The following OPA1 variants were observed in gnomAD, a reference collection of about 807,000 sequenced individuals.
The protein encoded by OPA1 is OPA1 mitochondrial dynamin like GTPase.
OPA1 carries 59 observed loss-of-function variants against 152.9 expected under a neutral mutation model. That is an observed-to-expected ratio of 0.39 (90% CI 0.31 to 0.48). OPA1 has a LOEUF of 0.48. Among genes scored for constraint, OPA1 ranks in the 20% least tolerant of loss-of-function variants. OPA1 has a pLI of 0.96. For missense variants in OPA1, 1,008 were observed against 1,216.8 expected (o/e 0.83, Z 2.55); for synonymous variants, 400 against 389.9 (o/e 1.03, Z -0.31).
At chr3:193,613,869 C>T (rs1239979549) in intron 1 of OPA1, 2 of 514,104 alleles carry the variant, frequency 3.9e-6, no homozygotes, top group Non-Finnish European at 7.8e-6. Flanking sequence ...TGAGCCACCA[C>T]ACCCTGCCTC....
At chr3:193,623,420 T>C (rs1277917993) in intron 6 of OPA1, among the ~76,000 whole-genome samples, 3 of 152,132 alleles carry the variant, frequency 2.0e-5, no homozygotes, top group African/African-American at 7.2e-5. Context: ...TCTGGAGTTA[T>C]TACTAATTTT....
At chr3:193,666,423 C>A in intron 28 of OPA1, 34 bp downstream of exon 28, 1 of 1,465,420 alleles carries the variant, frequency 6.8e-7, no homozygotes, top group Non-Finnish European at 9.6e-7. Context: ...CTTATTTTGA[C>A]ATTAAAAAAT....
At position 193,657,068 on chromosome 3, in the gene OPA1, A is replaced by T; in HGVS notation, c.2179-12A>T. ...GTAATAATATGGCTTTTTTTCTTTC[A>T]AATAATTATAGGTTGCTTGGGAGAC... On this transcript the variant is annotated splice_polypyrimidine_tract_variant and intron_variant, in intron 22 of 30. Transcript: ENST00000361510. The T allele has an allele frequency of 1.3e-6, 2 of 1,594,278 alleles. No individual in the cohort carries two copies. The highest frequency in any genetic ancestry group is 1.7e-6 in the Non-Finnish European group (2 of 1,173,714).
At chr3:193,616,634 A>C (rs866453088) in intron 3 of OPA1, among the ~76,000 whole-genome samples, 2 of 152,136 alleles carry the variant, frequency 1.3e-5, no homozygotes, top group Non-Finnish European at 2.9e-5. Flanking sequence ...TTCTTTTCTT[A>C]GTTGGCCACT....
At chr3:193,643,724 A>T in intron 15 of OPA1, 97 bp downstream of exon 15, 1 of 1,118,734 alleles carries the variant, frequency 8.9e-7, no homozygotes. Context: ...AACATACAAG[A>T]TAAATGCATT....
intron 29 of OPA1, among the ~76,000 whole-genome samples, chr3:193,681,532 A>G (rs1338422000): frequency 6.6e-6 from 1 of 152,242 alleles, no homozygotes; most frequent in Non-Finnish European, 1.5e-5. Flanking sequence ...CAAGGGTTCT[A>G]CGTACAGGCA....
intron 1 of OPA1, among the ~76,000 whole-genome samples, chr3:193,608,648 G>T (rs758569116): frequency 1.5e-4 from 23 of 152,204 alleles, no homozygotes; most frequent in Non-Finnish European, 1.5e-4. Context: ...TGGAATAAGT[G>T]CAGTGTGGTG....
At chr3:193,593,986 T>G (rs1725094624) in intron 1 of OPA1, among the ~76,000 whole-genome samples, 1 of 152,316 alleles carries the variant, frequency 6.6e-6, no homozygotes, top group South Asian at 2.1e-4. Flanking sequence ...GAGATGCCCT[T>G]TCAATAGCAG....
At chr3:193,643,222 C>G (rs773450645) in intron 13 of OPA1, 151 bp from the exon 14 acceptor site, 12 of 863,848 alleles carry the variant, frequency 1.4e-5, no homozygotes, top group Non-Finnish European at 2.2e-5. Flanking sequence ...AGAATAATTA[C>G]TTTTAGGATC....
intron 21 of OPA1, 69 bp from the exon 22 acceptor site, chr3:193,654,789 ATACT>A (rs1206570823): frequency 1.4e-6 from 2 of 1,447,754 alleles, no homozygotes; most frequent in East Asian, 4.9e-5. Context: ...TAAGTTAATG[ATACT>A]TCAGTCAAGC....
chr3:193,632,959 G>A (rs1474640760), intron 8 of OPA1, among the ~76,000 whole-genome samples: 1 of 152,204 alleles, frequency 6.6e-6, no homozygotes, highest in Admixed American at 6.5e-5. Context: ...TGAGGTGCTT[G>A]GGGCCAGCGT....
intron 6 of OPA1, among the ~76,000 whole-genome samples, chr3:193,623,281 G>A (rs1730488031): frequency 6.6e-6 from 1 of 152,114 alleles, no homozygotes; most frequent in Admixed American, 6.5e-5. Context: ...GTGAGGCTAG[G>A]TTTCAACATA....
intron 1 of OPA1, among the ~76,000 whole-genome samples, chr3:193,600,388 C>G (rs894629565): frequency 2.1e-4 from 32 of 152,172 alleles, no homozygotes; most frequent in Admixed American, 1.8e-3. Flanking sequence ...TCTTGCTGAT[C>G]CAGTTGGAGT....
chr3:193,630,070 A>G (rs906440910), intron 7 of OPA1, among the ~76,000 whole-genome samples: 2 of 152,230 alleles, frequency 1.3e-5, no homozygotes, highest in African/African-American at 4.8e-5. Flanking sequence ...TTACAGTGTG[A>G]TGGCATGCCA....
chr3:193,652,673 A>G (rs1026913307), intron 21 of OPA1, among the ~76,000 whole-genome samples: 3 of 152,170 alleles, frequency 2.0e-5, no homozygotes, highest in African/African-American at 7.2e-5. Context: ...GGAGGTAAGA[A>G]TAGGGAAAGA....
chr3:193,669,292 T>G (rs1426200075), intron 29 of OPA1, among the ~76,000 whole-genome samples: 1 of 152,246 alleles, frequency 6.6e-6, no homozygotes, highest in Non-Finnish European at 1.5e-5. Context: ...TCCTTTCCTT[T>G]TCTTTCTTCC....
In OPA1 at chr3:193,697,001, T is replaced by C. The variant is rs1005049678; in HGVS notation, c.*2401T>C. 1.3e-5 allele frequency: 2 copies of C among 152,206 alleles called. No homozygotes were observed. Among genetic ancestry groups the C allele is most frequent in the Non-Finnish European group, 2.9e-5 (2 of 68,044 alleles). The allele number at this position is 152,206 out of a possible 1,614,324, so 9.4% of individuals were successfully genotyped here. On this transcript the variant is annotated 3_prime_UTR_variant, in exon 31 of 31. Coordinates refer to ENST00000361510, the MANE Select transcript of OPA1 (RefSeq NM_130837.3). ...TGTATTCCCATTTTCTACAGTTTTT[T>C]CCGCAGACTTCTTTCTGCAAATTAT...
intron 6 of OPA1, among the ~76,000 whole-genome samples, chr3:193,620,073 G>GA (rs536330449): frequency 3.3e-5 from 5 of 150,888 alleles, no homozygotes; most frequent in East Asian, 1.9e-4. Flanking sequence ...GCTACTGGGG[G>GA]AAAAAAAAAT....
intron 9 of OPA1, among the ~76,000 whole-genome samples, chr3:193,636,064 C>T (rs1246428254): frequency 2.6e-5 from 4 of 152,186 alleles, no homozygotes; most frequent in African/African-American, 9.6e-5. Context: ...CCCCACCCAA[C>T]TAAACCACAT....
Sources: gnomAD v4.1 joint callset for allele counts (sites outside exome capture counted in the v4.1 genomes callset) on GRCh38, gnomAD v4.1.1 for gene constraint, MANE v1.5 for transcripts, NCBI Gene and HGNC (gene_info 2026-07-23, HGNC 2026-07-21) for gene names.